The following LDLRAD4 variants were observed in gnomAD, a reference collection of about 807,000 sequenced individuals.
LDLRAD4 encodes low density lipoprotein receptor class A domain containing 4.
Under a neutral mutation model 17.0 loss-of-function variants are expected in LDLRAD4, and 5 were observed. The ratio of observed to expected loss-of-function variants is 0.29; its 90% CI spans 0.15 to 0.62. LDLRAD4 has a LOEUF of 0.62. LDLRAD4 is among the 20% of genes least tolerant of loss of function. LDLRAD4 has a pLI of 0.84. For synonymous variants in LDLRAD4, 168 were observed against 171.8 expected, an observed-to-expected ratio of 0.98 and a Z score of 0.17; for missense variants, 340 against 424.7, an observed-to-expected ratio of 0.80 and a Z score of 1.75.
At chr18:13,388,372 T>C (rs2085988631) in intron 2 of LDLRAD4, among the ~76,000 whole-genome samples, 1 of 152,214 alleles carries the variant, frequency 6.6e-6, no homozygotes, top group Admixed American at 6.5e-5. Context: ...GGCTCTTTTG[T>C]CTGATTCATG....
intron 1 of LDLRAD4, among the ~76,000 whole-genome samples, chr18:13,287,576 C>A (rs893261988): frequency 3.9e-5 from 6 of 152,132 alleles, no homozygotes; most frequent in Admixed American, 3.9e-4. Context: ...ACGGCGCCAC[C>A]CTATGGTGTG....
intron 2 of LDLRAD4, among the ~76,000 whole-genome samples, chr18:13,405,070 G>A (rs558695773): frequency 7.9e-5 from 12 of 151,874 alleles, no homozygotes; most frequent in Admixed American, 5.2e-4. Flanking sequence ...GAAGCTGCAC[G>A]TTTGCTATTT....
In LDLRAD4 at chr18:13,300,158, G is replaced by A. The variant is rs916002475; in HGVS notation, c.-383+21970G>A. ...ATTCCATGCCCCAGCCTGGCTTCCG[G>A]TTCCTGCTTGTCTCTGGAGAGCCGT... On this transcript the variant is annotated intron_variant, in intron 1 of 5. Transcript: ENST00000359446. The surrounding 1 kb of genome is among the most constrained non-coding windows in gnomAD (Gnocchi z 4.2). Among the ~76,000 whole-genome samples, 3 of 152,216 alleles carry A rather than the reference G, an allele frequency of 2.0e-5. No homozygotes were observed. In the East Asian group the frequency reaches 5.8e-4, roughly 29 times the overall value.
chr18:13,638,586 C>T (rs1440584621), intron 4 of LDLRAD4, among the ~76,000 whole-genome samples: 2 of 152,216 alleles, frequency 1.3e-5, no homozygotes, highest in Non-Finnish European at 2.9e-5. Context: ...CGTAAGCATC[C>T]TGGGGCAGGT....
chr18:13,469,514 A>G (rs962200699), intron 3 of LDLRAD4, among the ~76,000 whole-genome samples: 23 of 152,282 alleles, frequency 1.5e-4, no homozygotes, highest in Non-Finnish European at 1.2e-4. Context: ...GAGATAAAAA[A>G]TGTGGTATAT....
chr18:13,362,953 T>G (rs2083775715), intron 1 of LDLRAD4, among the ~76,000 whole-genome samples: 1 of 152,146 alleles, frequency 6.6e-6, no homozygotes, highest in Non-Finnish European at 1.5e-5. Context: ...GGAACATATT[T>G]CTAACCAGTT....
chr18:13,516,320 G>A (rs2093866123), intron 3 of LDLRAD4, among the ~76,000 whole-genome samples: 1 of 152,214 alleles, frequency 6.6e-6, no homozygotes, highest in South Asian at 2.1e-4. Context: ...GTGAAGCCAT[G>A]AACGATCTCT....
upstream of LDLRAD4, among the ~76,000 whole-genome samples, chr18:13,218,321 C>T (rs1376325050): frequency 6.6e-6 from 1 of 152,154 alleles, no homozygotes; most frequent in East Asian, 1.9e-4. Context: ...CGGCGGGGAT[C>T]CGGGGCTGGC....
intron 4 of LDLRAD4, among the ~76,000 whole-genome samples, chr18:13,631,257 G>A (rs1017575591): frequency 6.6e-6 from 1 of 152,164 alleles, no homozygotes; most frequent in African/African-American, 2.4e-5. Context: ...AAACCAATTG[G>A]ATAACCTAGA....
intron 1 of LDLRAD4, among the ~76,000 whole-genome samples, chr18:13,356,274 T>C (rs1044847775): frequency 2.6e-5 from 4 of 152,236 alleles, no homozygotes; most frequent in Non-Finnish European, 4.4e-5. Context: ...GGGAATCTCC[T>C]TGGAAGGGTG....
chr18:13,429,454 TATAATCAG>T (rs1333617746), intron 2 of LDLRAD4, among the ~76,000 whole-genome samples: 2 of 152,244 alleles, frequency 1.3e-5, no homozygotes, highest in Non-Finnish European at 2.9e-5. Context: ...CTGTTGTTGA[TATAATCAG>T]TGTGTGTCAA....
intron 1 of LDLRAD4, among the ~76,000 whole-genome samples, chr18:13,242,881 G>C (rs1376488901): frequency 1.3e-5 from 2 of 152,226 alleles, no homozygotes; most frequent in African/African-American, 4.8e-5. Flanking sequence ...GTTCGACTTG[G>C]GTTTCAGCTG....
intron 3 of LDLRAD4, among the ~76,000 whole-genome samples, chr18:13,462,744 C>T (rs1043134627): frequency 6.6e-6 from 1 of 152,088 alleles, no homozygotes; most frequent in African/African-American, 2.4e-5. Context: ...CTGTCACGGG[C>T]GGAGCAGGGA....
intron 1 of LDLRAD4, among the ~76,000 whole-genome samples, chr18:13,344,305 A>G (rs2082550696): frequency 6.6e-6 from 1 of 152,230 alleles, no homozygotes. Flanking sequence ...ACATATGGCT[A>G]GCCAGTTTTC....
At chr18:13,566,551 CG>C (rs2094605105) in intron 3 of LDLRAD4, among the ~76,000 whole-genome samples, 2 of 151,996 alleles carry the variant, frequency 1.3e-5, no homozygotes, top group Admixed American at 1.3e-4. Flanking sequence ...TTAGTAGAGA[CG>C]GGGTTTCACC....
intron 4 of LDLRAD4, among the ~76,000 whole-genome samples, chr18:13,623,320 G>T (rs1017298095): frequency 6.6e-6 from 1 of 152,206 alleles, no homozygotes; most frequent in Non-Finnish European, 1.5e-5. Flanking sequence ...ACATTCGGCA[G>T]CCAGTGAATT....
At chr18:13,421,616 C>T (rs540932607) in intron 2 of LDLRAD4, among the ~76,000 whole-genome samples, 23 of 152,308 alleles carry the variant, frequency 1.5e-4, no homozygotes, top group East Asian at 9.7e-4. Flanking sequence ...CTGGCCTTCA[C>T]GCGTCAGAAG....
At chr18:13,344,924 T>C (rs949591543) in intron 1 of LDLRAD4, among the ~76,000 whole-genome samples, 4 of 152,228 alleles carry the variant, frequency 2.6e-5, no homozygotes, top group African/African-American at 9.7e-5. Flanking sequence ...TTTTTGCACA[T>C]TGATTTTGTA....
intron 4 of LDLRAD4, among the ~76,000 whole-genome samples, chr18:13,634,097 T>G (rs2041891096): frequency 6.6e-6 from 1 of 152,248 alleles, no homozygotes; most frequent in African/African-American, 2.4e-5. Context: ...GCCCACAGCT[T>G]ACATCATACT....
Sources: gnomAD v4.1 joint callset for allele counts (sites outside exome capture counted in the v4.1 genomes callset) on GRCh38, gnomAD v4.1.1 for gene constraint, Gnocchi (gnomAD v3.1) non-coding constraint, MANE v1.5 for transcripts, NCBI Gene and HGNC (gene_info 2026-07-23, HGNC 2026-07-21) for gene names.